The following SNX32 variants were observed in gnomAD, a reference collection of about 807,000 sequenced individuals.
The protein encoded by SNX32 is sorting nexin-32.
SNX32 carries 58 observed loss-of-function variants against 57.0 expected under a neutral mutation model. The observed-to-expected ratio is 1.02, with a 90% CI of 0.82 to 1.27. The LOEUF (loss-of-function observed/expected upper bound fraction) is 1.27. SNX32 is among the 50% of genes most tolerant of loss of function. The pLI is 0.00. For synonymous variants in SNX32, 262 were observed against 220.4 expected, an observed-to-expected ratio of 1.19 and a Z score of -1.67; for missense variants, 589 against 541.2, an observed-to-expected ratio of 1.09 and a Z score of -0.88.
intron 3 of SNX32, 59 bp from the exon 4 acceptor site, chr11:65,850,091 G>T (rs1453940791): frequency 6.2e-7 from 1 of 1,614,214 alleles, no homozygotes. Flanking sequence ...GAGGACCAAA[G>T]GCTGTGATGG....
chr11:65,840,997 G>A (rs1858825109), intron 1 of SNX32, among the ~76,000 whole-genome samples: 1 of 151,522 alleles, frequency 6.6e-6, no homozygotes, highest in African/African-American at 2.4e-5. Flanking sequence ...CCAGGCTGGA[G>A]TGCAATGGTG....
intron 5 of SNX32, 51 bp downstream of exon 5, chr11:65,850,605 G>A: frequency 6.4e-7 from 1 of 1,567,044 alleles, no homozygotes; most frequent in Middle Eastern, 1.8e-4. Flanking sequence ...AGTCTACCTT[G>A]GGTGGGGAGG....
At chr11:65,851,006 A>G in intron 6 of SNX32, 49 bp from the exon 7 acceptor site, 1 of 1,563,674 alleles carries the variant, frequency 6.4e-7, no homozygotes, top group Non-Finnish European at 8.8e-7. Context: ...CTGTGTTGTC[A>G]AGCCCCGTGG....
chr11:65,849,762 A>G lies in SNX32; in HGVS notation c.142-158A>G, dbSNP rs1859108600. 6.6e-6 allele frequency: 5 copies of G among 759,972 alleles called. No individual in the cohort carries two copies. The East Asian group carries it at 1.3e-4, about 20-fold the overall frequency. 47.1% of individuals were successfully genotyped at this position (759,972 alleles called of 1,614,324 possible). On this transcript the variant is annotated intron_variant, in intron 2 of 12. Coordinates refer to ENST00000308342, the MANE Select transcript of SNX32 (RefSeq NM_152760.3). ...CTGCCTAAGGCCCCGAGTCCTAATCATTCCTGTCCACCATTCTAAATGAAA... is the reference window on the plus strand; with the variant it reads ...CTGCCTAAGGCCCCGAGTCCTAATCGTTCCTGTCCACCATTCTAAATGAAA...
At chr11:65,849,340 A>T (rs1859089872) in intron 1 of SNX32, 138 bp from the exon 2 acceptor site, 1 of 660,956 alleles carries the variant, frequency 1.5e-6, no homozygotes, top group Non-Finnish European at 2.6e-6. Flanking sequence ...CCTTATCAGG[A>T]CCCCTCTCTG....
In SNX32 at chr11:65,852,331, C is replaced by G. The variant is rs904472147; in HGVS notation, c.826-134C>G. ...TCTGTGAAGCCTTCCCTGGCCTGCA[C>G]CCCTCAACACCAGACCTGACCTGGA... On this transcript the variant is annotated intron_variant, in intron 9 of 12. Transcript: ENST00000308342. 3.5e-5 allele frequency: 27 copies of G among 773,726 alleles called. No homozygotes were observed. In the East Asian group the frequency reaches 4.8e-4, roughly 14 times the overall value. The allele number at this position is 773,726 out of a possible 1,614,324, so 47.9% of individuals were successfully genotyped here.
intron 7 of SNX32, 62 bp from the exon 8 acceptor site, chr11:65,851,266 C>T: frequency 1.9e-6 from 3 of 1,602,862 alleles, no homozygotes; most frequent in Non-Finnish European, 2.6e-6. Context: ...TTGTCTGTGG[C>T]CACAAGCACC....
At chr11:65,848,050 C>A (rs1325802898) in intron 1 of SNX32, among the ~76,000 whole-genome samples, 1 of 152,160 alleles carries the variant, frequency 6.6e-6, no homozygotes, top group East Asian at 1.9e-4. Context: ...GACATCACTA[C>A]TGCAGATGGG....
rs200262888 is a variant in SNX32 at position 65,850,179 on chromosome 11, T to C, written c.282T>C (p.Phe94=). 6.2e-5 allele frequency: 100 copies of C among 1,614,220 alleles called. No homozygotes were observed. Among genetic ancestry groups the C allele is most frequent in the Middle Eastern group, 4.9e-4 (3 of 6,062 alleles). ...CCCCAGCCCCTCCGAGGCCAGACTT[T>C]GAGGCTTCGAGGGAAAAGCTACAGA... ...IIPPAPPRPD[F]EASREKLQKL... The change falls in exon 4 of 13, where the codon TTT becomes TTC. Residue 94 remains phenylalanine, a synonymous_variant. Coordinates refer to ENST00000308342, the MANE Select transcript of SNX32 (RefSeq NM_152760.3).
At chr11:65,840,613 G>A (rs1858814663) in intron 1 of SNX32, among the ~76,000 whole-genome samples, 1 of 152,008 alleles carries the variant, frequency 6.6e-6, no homozygotes, top group South Asian at 2.1e-4. Context: ...GACCAACCTG[G>A]GCAACATAGT....
intron 9 of SNX32, 29 bp downstream of exon 9, chr11:65,851,708 T>C (rs1859204005): frequency 6.2e-7 from 1 of 1,612,510 alleles, no homozygotes; most frequent in African/African-American, 1.3e-5. Context: ...GCTCAAAGGC[T>C]TTCCTGGTGA....
chr11:65,850,151 T>TC lies in SNX32; in HGVS notation c.260dup (p.Ala88SerfsTer8). On this transcript the variant is annotated frameshift_variant and splice_region_variant, in exon 4 of 13. Transcript: ENST00000308342. LOFTEE classifies it high-confidence loss of function. ...CAGCTCCGTCCCTCCTTTGAGCAGA[T>TC]CCCCCCAGCCCCTCCGAGGCCAGAC... The TC allele has an allele frequency of 1.2e-6, 2 of 1,613,890 alleles. No homozygotes were observed. Among genetic ancestry groups the TC allele is most frequent in the African/African-American group, 1.3e-5 (1 of 74,932 alleles).
At chr11:65,844,441 A>T (rs1468451511) in intron 1 of SNX32, among the ~76,000 whole-genome samples, 1 of 152,026 alleles carries the variant, frequency 6.6e-6, no homozygotes, top group African/African-American at 2.4e-5. Context: ...TTTCTTTAAA[A>T]AAAAAAAAAT....
chr11:65,853,500 C>A lies in SNX32; in HGVS notation c.*165C>A. On this transcript the variant is annotated 3_prime_UTR_variant, in exon 13 of 13. Coordinates refer to ENST00000308342, the MANE Select transcript of SNX32 (RefSeq NM_152760.3). The stretch of plus-strand genomic sequence containing the variant: ...AAGCCCAAACCCCCTATCACCACCA[C>A]CACAGGTGCCAGGCCCTGCAAGACA... The A allele has an allele frequency of 1.5e-6, 1 of 676,702 alleles. No homozygotes were observed. The highest frequency in any genetic ancestry group is 2.6e-6 in the Non-Finnish European group (1 of 389,484). 41.9% of individuals were successfully genotyped at this position (676,702 alleles called of 1,614,324 possible).
chr11:65,848,905 C>T (rs565573190), intron 1 of SNX32, among the ~76,000 whole-genome samples: 15 of 151,656 alleles, frequency 9.9e-5, no homozygotes, highest in Admixed American at 3.3e-4. Context: ...CACTTTGGGA[C>T]GCCAAGGCAG....
intron 1 of SNX32, among the ~76,000 whole-genome samples, chr11:65,834,558 C>G (rs1028549466): frequency 6.8e-6 from 1 of 146,938 alleles, no homozygotes; most frequent in Admixed American, 6.7e-5. Context: ...GTGTGTGTGT[C>G]TGTGTGTCTG....
chr11:65,845,074 G>A, intron 1 of SNX32, among the ~76,000 whole-genome samples: 1 of 76,126 alleles, frequency 1.3e-5, no homozygotes, highest in African/African-American at 5.4e-5. Context: ...GAAGTGGAAG[G>A]ATGGCTTGAG....
At chr11:65,847,739 G>A (rs1321952141) in intron 1 of SNX32, among the ~76,000 whole-genome samples, 2 of 151,978 alleles carry the variant, frequency 1.3e-5, no homozygotes, top group East Asian at 1.9e-4. Context: ...GCAAAACCCC[G>A]TGTCTACTAA....
At chr11:65,852,842 G>A (rs684372) in intron 11 of SNX32, 31 bp from the exon 12 acceptor site, 29,731 of 1,613,252 alleles carry the variant, frequency 0.018, 342 homozygotes, top group Non-Finnish European at 0.022. Context: ...TGCCCTGCCC[G>A]GATCCCCATG....
Sources: gnomAD v4.1 joint callset for allele counts (sites outside exome capture counted in the v4.1 genomes callset) on GRCh38, gnomAD v4.1.1 for gene constraint, MANE v1.5 for transcripts, NCBI Gene and HGNC (gene_info 2026-07-23, HGNC 2026-07-21) for gene names.